ABHD1: variants seen among roughly 807,000 people sequenced by gnomAD.
The protein encoded by ABHD1 is protein ABHD1.
A neutral mutation model predicts 41.4 loss-of-function variants in ABHD1; 47 were observed. The observed-to-expected ratio is 1.13, with a 90% CI of 0.90 to 1.45. ABHD1 has a LOEUF of 1.45. ABHD1 is among the 40% of genes most tolerant of loss of function. ABHD1 has a pLI of 0.00. For synonymous variants in ABHD1, 205 were observed against 203.7 expected (o/e 1.01, Z -0.05); for missense variants, 550 against 503.4 (o/e 1.09, Z -0.89).
chr2:27,130,418 T>C lies in ABHD1; in HGVS notation c.1006+2T>C. ...ATGACCCCTTCTCCCCCGTCTGTGG[T>C]GAGTACTCTGATTCAGGACACTTTG... On this transcript the variant is annotated splice_donor_variant, in intron 8 of 8. Coordinates refer to ENST00000316470, the MANE Select transcript of ABHD1 (RefSeq NM_032604.4). LOFTEE classifies it high-confidence loss of function. 2.5e-6 allele frequency: 4 copies of C among 1,614,130 alleles called. No homozygotes were observed. The highest frequency in any genetic ancestry group is 1.1e-5 in the South Asian group (1 of 91,084).
rs758573221 is a variant in ABHD1 at position 27,129,753 on chromosome 2, G to A, written c.618-1G>A. ...TCATGGTCCCTTGTCCAATTCCACAGGATACTGGTGCTGAATCACCTGGCA... is the reference window on the plus strand; with the variant it reads ...TCATGGTCCCTTGTCCAATTCCACAAGATACTGGTGCTGAATCACCTGGCA... On this transcript the variant is annotated splice_acceptor_variant, in intron 5 of 8. Coordinates refer to ENST00000316470, the MANE Select transcript of ABHD1 (RefSeq NM_032604.4). LOFTEE classifies it high-confidence loss of function. 1 of 1,613,892 alleles carries A rather than the reference G, an allele frequency of 6.2e-7. No homozygotes were observed. The highest frequency in any genetic ancestry group is 8.5e-7 in the Non-Finnish European group (1 of 1,180,010).
intron 1 of ABHD1, among the ~76,000 whole-genome samples, chr2:27,128,200 CCA>C (rs1319491216): frequency 1.3e-5 from 2 of 152,198 alleles, no homozygotes; most frequent in African/African-American, 4.8e-5. Context: ...TCAGCAGCTC[CCA>C]GTTCAGGGTC....
intron 1 of ABHD1, among the ~76,000 whole-genome samples, chr2:27,127,220 G>A (rs1406826543): frequency 7.2e-6 from 1 of 138,558 alleles, no homozygotes; most frequent in Non-Finnish European, 1.6e-5. Flanking sequence ...TTAGGAAGAA[G>A]ACAGTGTAGC....
intron 1 of ABHD1, among the ~76,000 whole-genome samples, chr2:27,127,851 C>T (rs1454288388): frequency 6.6e-6 from 1 of 151,976 alleles, no homozygotes; most frequent in Non-Finnish European, 1.5e-5. Context: ...TGAGCGACTG[C>T]GCCCGGCCGG....
In ABHD1 at chr2:27,123,841, A is replaced by G. The variant is rs1018518655; in HGVS notation, c.-108A>G. The G allele has an allele frequency of 2.2e-6, 2 of 902,572 alleles. No homozygotes were observed. The highest frequency in any genetic ancestry group is 4.2e-5 in the Admixed American group (2 of 47,578). The allele number at this position is 902,572 out of a possible 1,614,324, so 55.9% of individuals were successfully genotyped here. ...GCAGCGCAAACTGCCTGCAGCGGGG[A>G]CCGGACCTGCACAGGCCGCCTATGG... On this transcript the variant is annotated 5_prime_UTR_variant, in exon 1 of 9. Transcript: ENST00000316470.
In ABHD1 at chr2:27,129,016, A is replaced by G. The variant is rs773279274; in HGVS notation, c.347A>G (p.Asp116Gly). The part of the protein sequence containing the change: ...DWAKQPDSSQ[D>G]PDPTTQPIVL... ...GCCAAGCAGCCTGACAGCAGCCAAG[A>G]CCCTGATCCTACTACCCAGCCCATT... The change falls in exon 3 of 9, where the codon GAC (aspartate) becomes GGC (glycine). Residue 116 changes from aspartate (D) to glycine (G), a missense_variant. By Grantham distance (94) the Asp-to-Gly change is moderately conservative (BLOSUM62 -1). Coordinates refer to ENST00000316470, the MANE Select transcript of ABHD1 (RefSeq NM_032604.4). 2 of 1,614,154 alleles carry G rather than the reference A, an allele frequency of 1.2e-6. No homozygotes were observed. The highest frequency in any genetic ancestry group is 1.1e-5 in the South Asian group (1 of 91,078).
intron 1 of ABHD1, chr2:27,126,573 C>T (rs1272922645): frequency 1.3e-5 from 2 of 152,278 alleles, no homozygotes; most frequent in Non-Finnish European, 2.9e-5. Context: ...ATGCCTTCCA[C>T]GTGGCTAGGC....
In ABHD1 at chr2:27,129,325, G is replaced by GT; in HGVS notation, c.471dup (p.Asn158Ter). The GT allele has an allele frequency of 2.5e-6, 4 of 1,614,166 alleles. No homozygotes were observed. The highest frequency in any genetic ancestry group is 1.3e-5 in the African/African-American group (1 of 75,052). On this transcript the variant is annotated frameshift_variant, in exon 4 of 9. Transcript: ENST00000316470. LOFTEE classifies it high-confidence loss of function. ...CCTGTGTGTGCCACAGGGCTGTCGT[G>GT]TTTAACAACCGGGGCTGCCGTGGGG...
At chr2:27,129,171 G>T in intron 3 of ABHD1, 44 bp downstream of exon 3, 1 of 1,597,932 alleles carries the variant, frequency 6.3e-7, no homozygotes. Context: ...ATCTGAGAAC[G>T]TGTATTAGGG....
chr2:27,129,989 C>T, intron 6 of ABHD1, 62 bp downstream of exon 6: 1 of 1,610,810 alleles, frequency 6.2e-7, no homozygotes, highest in Non-Finnish European at 8.5e-7. Context: ...ACTCCAGGCT[C>T]TCCTAGTGCT....
In ABHD1 at chr2:27,130,137, T is replaced by C. The variant is rs141844750; in HGVS notation, c.824T>C (p.Ile275Thr). Residue 275 changes from isoleucine (I) to threonine (T), a missense_variant, in exon 7 of 9, where the codon ATA becomes ACA. Transcript: ENST00000316470. ...NRKVIEKVVD[I>T]DFVLQARTIR... is the part of the protein sequence containing the mutation. ...AAGGTGATTGAAAAGGTGGTGGACA[T>C]AGACTTTGTACTACAGGTATAATAT... The C allele has an allele frequency of 3.0e-5, 48 of 1,614,202 alleles. No homozygotes were observed. The highest frequency in any genetic ancestry group is 1.4e-4 in the South Asian group (13 of 91,084).
intron 5 of ABHD1, 45 bp downstream of exon 5, chr2:27,129,671 T>C: frequency 2.5e-6 from 4 of 1,609,968 alleles, no homozygotes; most frequent in Non-Finnish European, 3.4e-6. Context: ...TCTTCCTTTT[T>C]TTCCTCCTCC....
At chr2:27,124,154 G>A (rs1301753471) in intron 1 of ABHD1, 92 bp downstream of exon 1, 9 of 1,197,478 alleles carry the variant, frequency 7.5e-6, no homozygotes, top group Non-Finnish European at 1.1e-5. Flanking sequence ...AACTGGGATG[G>A]TTGGGCTTCC....
chr2:27,130,523 C>A lies in ABHD1; in HGVS notation c.1007-10C>A, dbSNP rs777857118. ...AAGGCCAGTGTTTCTAACCTCTGAC[C>A]CTCTCCTAGCCCTTCCCATACAGGC... On this transcript the variant is annotated splice_polypyrimidine_tract_variant and intron_variant, in intron 8 of 8. Coordinates refer to ENST00000316470, the MANE Select transcript of ABHD1 (RefSeq NM_032604.4). 1.9e-6 allele frequency: 3 copies of A among 1,613,086 alleles called. No individual in the cohort carries two copies. The highest frequency in any genetic ancestry group is 1.1e-5 in the South Asian group (1 of 91,082).
Position 27,130,788 on chromosome 2 carries a change from T to C in ABHD1, c.*44T>C. The C allele has an allele frequency of 6.3e-7, 1 of 1,591,134 alleles. No individual in the cohort carries two copies. Among genetic ancestry groups the C allele is most frequent in the Non-Finnish European group, 8.6e-7 (1 of 1,160,552 alleles). On this transcript the variant is annotated 3_prime_UTR_variant, in exon 9 of 9. Transcript: ENST00000316470. Reference sequence around the variant, plus strand: ...TCTCAGTTCACTCTTTCCTTGTTTATTAAATATCAACTTTTCCTGCCTAAT... The same window carrying C: ...TCTCAGTTCACTCTTTCCTTGTTTACTAAATATCAACTTTTCCTGCCTAAT...
At position 27,129,749 on chromosome 2, in the gene ABHD1, C is replaced by G. The variant is rs1391444707; in HGVS notation, c.618-5C>G. On this transcript the variant is annotated splice_region_variant and splice_polypyrimidine_tract_variant and intron_variant, in intron 5 of 8. Transcript: ENST00000316470. Reference sequence around the variant, plus strand: ...TCTTTCATGGTCCCTTGTCCAATTCCACAGGATACTGGTGCTGAATCACCT... The same window carrying G: ...TCTTTCATGGTCCCTTGTCCAATTCGACAGGATACTGGTGCTGAATCACCT... The G allele has an allele frequency of 6.2e-7, 1 of 1,613,910 alleles. No homozygotes were observed. Among genetic ancestry groups the G allele is most frequent in the Admixed American group, 1.7e-5 (1 of 60,024 alleles).
Position 27,123,941 on chromosome 2 carries a change from A to G in ABHD1, c.-8A>G, listed in dbSNP as rs376400996. ...AGGAGCCTGAGGGTCGGAAGCCCCCAACACAAGATGCTGAGCTCCTTCCTG... is the reference window on the plus strand; with the variant it reads ...AGGAGCCTGAGGGTCGGAAGCCCCCGACACAAGATGCTGAGCTCCTTCCTG... On this transcript the variant is annotated 5_prime_UTR_variant, in exon 1 of 9. Coordinates refer to ENST00000316470, the MANE Select transcript of ABHD1 (RefSeq NM_032604.4). The G allele has an allele frequency of 1.9e-6, 3 of 1,613,338 alleles. No individual in the cohort carries two copies. The highest frequency in any genetic ancestry group is 2.5e-6 in the Non-Finnish European group (3 of 1,179,364).
In ABHD1 at chr2:27,129,892, G is replaced by A; in HGVS notation, c.756G>A (p.Gln252=). Residue 252 remains glutamine, a synonymous_variant, in exon 6 of 9, where the codon CAG becomes CAA. Coordinates refer to ENST00000316470, the MANE Select transcript of ABHD1 (RefSeq NM_032604.4). ...CACTCAACTCACTGCTCTTCAATCA[G>A]CCCCTCACTGCTGGGCTCTGCCAAC... ...ETPLNSLLFN[Q]PLTAGLCQLV... is the part of the protein sequence containing the mutation. 1 of 1,614,050 alleles carries A rather than the reference G, an allele frequency of 6.2e-7. No homozygotes were observed. The highest frequency in any genetic ancestry group is 8.5e-7 in the Non-Finnish European group (1 of 1,180,024).
In ABHD1 at chr2:27,129,105, C is replaced by G. The variant is rs143218502; in HGVS notation, c.436C>G (p.Gln146Glu). Residue 146 changes from glutamine (Q) to glutamate (E), a missense_variant, in exon 3 of 9, where the codon CAA (glutamine) becomes GAA (glutamate). Transcript: ENST00000316470. ...GACATACGTCTTGCACCTAGTTAACCAAGCTCTGAGGGATGGCTACCAGTA... is the reference window on the plus strand; with the variant it reads ...GACATACGTCTTGCACCTAGTTAACGAAGCTCTGAGGGATGGCTACCAGTA... Reference protein sequence around the residue: ...QETYVLHLVNQALRDGYQAVV... With the variant: ...QETYVLHLVNEALRDGYQAVV... The G allele has an allele frequency of 1.7e-4, 279 of 1,613,252 alleles. No homozygotes were observed. The highest frequency in any genetic ancestry group is 2.3e-4 in the Non-Finnish European group (266 of 1,179,878).
Sources: gnomAD v4.1 joint callset for allele counts (sites outside exome capture counted in the v4.1 genomes callset) on GRCh38, gnomAD v4.1.1 for gene constraint, MANE v1.5 for transcripts, NCBI Gene and HGNC (gene_info 2026-07-23, HGNC 2026-07-21) for gene names.